MRPS9: variants seen among roughly 807,000 people sequenced by gnomAD.
The protein encoded by MRPS9 is mitochondrial ribosomal protein S9.
Under a neutral mutation model 59.9 loss-of-function variants are expected in MRPS9, and 45 were observed. The ratio of observed to expected loss-of-function variants is 0.75; its 90% CI spans 0.59 to 0.96. MRPS9 has a LOEUF of 0.96. Among genes scored for constraint, MRPS9 ranks in the 40% least tolerant of loss-of-function variants. MRPS9 has a pLI of 0.00. For missense variants in MRPS9, 473 were observed against 481.1 expected, an observed-to-expected ratio of 0.98 and a Z score of 0.16; for synonymous variants, 171 against 166.8, an observed-to-expected ratio of 1.03 and a Z score of -0.19.
At chr2:105,093,114 T>C (rs969291228) in intron 8 of MRPS9, among the ~76,000 whole-genome samples, 1 of 152,188 alleles carries the variant, frequency 6.6e-6, no homozygotes, top group Non-Finnish European at 1.5e-5. Flanking sequence ...CTTTCCTGAG[T>C]ATTTTTTTAT....
intron 2 of MRPS9, among the ~76,000 whole-genome samples, chr2:105,070,608 G>C (rs929579645): frequency 6.6e-6 from 1 of 152,160 alleles, no homozygotes; most frequent in African/African-American, 2.4e-5. Context: ...CACTATAAAA[G>C]GCTTAAGCTA....
At chr2:105,062,468 G>T (rs1679925178) in intron 2 of MRPS9, among the ~76,000 whole-genome samples, 1 of 152,140 alleles carries the variant, frequency 6.6e-6, no homozygotes, top group Non-Finnish European at 1.5e-5. Context: ...CACTTCACAG[G>T]AGATAAAGTT....
chr2:105,074,484 CAAGT>C (rs1230913795), intron 4 of MRPS9, among the ~76,000 whole-genome samples: 2 of 152,148 alleles, frequency 1.3e-5, no homozygotes, highest in African/African-American at 4.8e-5. Context: ...AAAAATCTCT[CAAGT>C]AAGAATTGTT....
chr2:105,046,741 T>C (rs1360105321), intron 1 of MRPS9, among the ~76,000 whole-genome samples: 1 of 151,956 alleles, frequency 6.6e-6, no homozygotes, highest in Admixed American at 6.6e-5. Context: ...TCTTTGTGGG[T>C]TCACCTGTAT....
intron 7 of MRPS9, among the ~76,000 whole-genome samples, 189 bp downstream of exon 7, chr2:105,090,184 G>A (rs978308512): frequency 6.6e-6 from 1 of 152,110 alleles, no homozygotes; most frequent in Non-Finnish European, 1.5e-5. Flanking sequence ...TTTCTGCCTT[G>A]GGAGGACCTT....
At chr2:105,049,450 C>A in intron 2 of MRPS9, 100 bp downstream of exon 2, 1 of 1,028,644 alleles carries the variant, frequency 9.7e-7, no homozygotes, top group Non-Finnish European at 1.4e-6. Context: ...TTTAATCAAG[C>A]TGTCAGAATA....
chr2:105,067,023 TTTTC>T (rs1431419518), intron 2 of MRPS9, among the ~76,000 whole-genome samples: 1 of 152,178 alleles, frequency 6.6e-6, no homozygotes, highest in African/African-American at 2.4e-5. Context: ...TTTTGCCACA[TTTTC>T]TTTATCGCTT....
chr2:105,076,511 A>G (rs1472496262), intron 4 of MRPS9, among the ~76,000 whole-genome samples: 1 of 152,264 alleles, frequency 6.6e-6, no homozygotes, highest in Admixed American at 6.5e-5. Flanking sequence ...ATACGTATAT[A>G]CATACATGTA....
intron 1 of MRPS9, among the ~76,000 whole-genome samples, chr2:105,045,450 A>C (rs890589500): frequency 1.3e-5 from 2 of 152,026 alleles, no homozygotes; most frequent in African/African-American, 4.8e-5. Context: ...AACCCCATGT[A>C]ACTTGGGTAT....
At chr2:105,062,034 G>GT (rs1558754603) in intron 2 of MRPS9, among the ~76,000 whole-genome samples, 1 of 152,190 alleles carries the variant, frequency 6.6e-6, no homozygotes, top group African/African-American at 2.4e-5. Flanking sequence ...AGCTGATCCA[G>GT]TAAGGACCTC....
At chr2:105,081,784 T>C (rs759604201) in intron 5 of MRPS9, among the ~76,000 whole-genome samples, 16 of 152,240 alleles carry the variant, frequency 1.1e-4, no homozygotes, top group Non-Finnish European at 2.2e-4. Context: ...TACGTATCTA[T>C]AGAAGAGTCC....
chr2:105,058,144 C>T (rs1205020135), intron 2 of MRPS9, among the ~76,000 whole-genome samples: 2 of 152,164 alleles, frequency 1.3e-5, no homozygotes, highest in African/African-American at 4.8e-5. Context: ...TTCTAATGAA[C>T]AGAGTCGTTA....
In MRPS9 at chr2:105,090,000, GTAAT is replaced by G. The variant is rs1264926433; in HGVS notation, c.651+10_651+13del. The G allele has an allele frequency of 6.4e-7, 1 of 1,556,586 alleles. No homozygotes were observed. Among genetic ancestry groups the G allele is most frequent in the African/African-American group, 1.4e-5 (1 of 73,314 alleles). ...GAAAAACTGTCAGATCTAGATGTGA[GTAAT>G]TAATCTTTTTAATTTAAGGGGACCT... On this transcript the variant is annotated splice_donor_region_variant and intron_variant, in intron 7 of 10. Transcript: ENST00000258455.
At chr2:105,074,421 C>T (rs966228533) in intron 4 of MRPS9, among the ~76,000 whole-genome samples, 1 of 152,024 alleles carries the variant, frequency 6.6e-6, no homozygotes, top group African/African-American at 2.4e-5. Context: ...TAATAATATT[C>T]AGAGGGTAAT....
chr2:105,057,315 A>G (rs1360491540), intron 2 of MRPS9, among the ~76,000 whole-genome samples: 1 of 152,174 alleles, frequency 6.6e-6, no homozygotes. Context: ...ATAGACCTTA[A>G]TGCTGTTATC....
At chr2:105,063,041 G>T (rs1239973181) in intron 2 of MRPS9, among the ~76,000 whole-genome samples, 1 of 152,200 alleles carries the variant, frequency 6.6e-6, no homozygotes, top group Non-Finnish European at 1.5e-5. Flanking sequence ...TTCAAAAACA[G>T]TTCAAAAATA....
chr2:105,067,664 T>C (rs1680027131), intron 2 of MRPS9, among the ~76,000 whole-genome samples: 1 of 152,240 alleles, frequency 6.6e-6, no homozygotes, highest in Non-Finnish European at 1.5e-5. Context: ...GATTTTCTAC[T>C]TCTGTCACTC....
At chr2:105,040,045 C>T (rs1487118753) in intron 1 of MRPS9, among the ~76,000 whole-genome samples, 1 of 152,166 alleles carries the variant, frequency 6.6e-6, no homozygotes, top group Admixed American at 6.5e-5. Flanking sequence ...TTCCTGAATA[C>T]TACTACAGCA....
chr2:105,069,008 C>T (rs999905185), intron 2 of MRPS9, among the ~76,000 whole-genome samples: 4 of 152,148 alleles, frequency 2.6e-5, no homozygotes, highest in African/African-American at 7.2e-5. Flanking sequence ...AAGCTCCCAC[C>T]TTCCCGCTGA....
Sources: gnomAD v4.1 joint callset for allele counts (sites outside exome capture counted in the v4.1 genomes callset) on GRCh38, gnomAD v4.1.1 for gene constraint, MANE v1.5 for transcripts, NCBI Gene and HGNC (gene_info 2026-07-23, HGNC 2026-07-21) for gene names.